Variants in UAP1 observed in about 807,000 individuals in gnomAD.
UAP1 encodes UDP-N-acetylhexosamine pyrophosphorylase.
A neutral mutation model predicts 58.5 loss-of-function variants in UAP1; 25 were observed. The observed-to-expected ratio is 0.43, with a 90% CI of 0.31 to 0.60. UAP1 has a LOEUF of 0.60. Among genes scored for constraint, UAP1 ranks in the 20% least tolerant of loss-of-function variants. The pLI, the probability that UAP1 is intolerant of heterozygous loss-of-function variation, is 0.11. For missense variants in UAP1, 575 were observed against 630.0 expected (o/e 0.91, Z 0.93); for synonymous variants, 208 against 213.0 (o/e 0.98, Z 0.21).
chr1:162,582,277 TTAGAA>T (rs1654637666), intron 5 of UAP1, among the ~76,000 whole-genome samples: 1 of 152,012 alleles, frequency 6.6e-6, no homozygotes, highest in South Asian at 2.1e-4. Context: ...ATTGCAAAGT[TTAGAA>T]TAAACATGTA....
intron 8 of UAP1, among the ~76,000 whole-genome samples, chr1:162,591,372 A>G (rs907434959): frequency 6.6e-6 from 1 of 152,212 alleles, no homozygotes; most frequent in South Asian, 2.1e-4. Context: ...AGTAAATGTC[A>G]GTTACATTCA....
exon 8 of UAP1, chr1:162,590,392 T>C: frequency 6.2e-7 from 1 of 1,613,856 alleles, no homozygotes; most frequent in Non-Finnish European, 8.5e-7. Flanking sequence ...ATAGTCAGAA[T>C]GGGAAAGACA....
chr1:162,566,589 TC>T (rs1452060788), intron 2 of UAP1, among the ~76,000 whole-genome samples: 2 of 152,150 alleles, frequency 1.3e-5, no homozygotes, highest in Non-Finnish European at 2.9e-5. Context: ...AGATTTCTTT[TC>T]CTGAAGCACA....
chr1:162,564,094 T>C (rs557697393), intron 1 of UAP1, among the ~76,000 whole-genome samples: 10 of 152,340 alleles, frequency 6.6e-5, no homozygotes, highest in Admixed American at 5.9e-4. Context: ...AGTGTCTTTT[T>C]TAATGTGATT....
chr1:162,571,092 CT>C (rs201314469), intron 2 of UAP1, among the ~76,000 whole-genome samples: 1,636 of 124,378 alleles, frequency 0.013, 25 homozygotes, highest in African/African-American at 0.039. Context: ...GTCTGGCTTT[CT>C]TTTTTTTTTT....
intron 7 of UAP1, among the ~76,000 whole-genome samples, chr1:162,589,235 A>T (rs1350200957): frequency 8.1e-6 from 1 of 123,744 alleles, no homozygotes; most frequent in African/African-American, 3.1e-5. Context: ...TATATTATAT[A>T]TAAATTTATA....
At chr1:162,580,074 C>T (rs1654489248) in intron 4 of UAP1, among the ~76,000 whole-genome samples, 1 of 152,142 alleles carries the variant, frequency 6.6e-6, no homozygotes, top group Non-Finnish European at 1.5e-5. Flanking sequence ...GCCATGTTGG[C>T]TAGGCTGGTC....
At chr1:162,579,027 G>C (rs1386578702) in intron 3 of UAP1, among the ~76,000 whole-genome samples, 1 of 152,142 alleles carries the variant, frequency 6.6e-6, no homozygotes, top group Non-Finnish European at 1.5e-5. Flanking sequence ...CTGCATTTCA[G>C]ATTTCAATAA....
At chr1:162,562,042 G>T (rs1280593342) in intron 1 of UAP1, among the ~76,000 whole-genome samples, 1 of 152,234 alleles carries the variant, frequency 6.6e-6, no homozygotes, top group African/African-American at 2.4e-5. Context: ...TGGATGGCGG[G>T]GCCAGGGATG....
chr1:162,596,588 A>G (rs965311302), intron 9 of UAP1, among the ~76,000 whole-genome samples: 4 of 152,136 alleles, frequency 2.6e-5, no homozygotes, highest in African/African-American at 9.7e-5. Flanking sequence ...TTTTTATGGG[A>G]CCATAGTTGA....
exon 5 of UAP1, chr1:162,581,440 G>C (rs572677350): frequency 4.3e-6 from 7 of 1,613,980 alleles, no homozygotes; most frequent in Non-Finnish European, 5.9e-6. Flanking sequence ...ATTCAGAAAG[G>C]AGCAGACTGT....
chr1:162,566,343 G>A, exon 2 of UAP1: 7 of 1,613,062 alleles, frequency 4.3e-6, no homozygotes, highest in Non-Finnish European at 5.9e-6. Context: ...GCCTGGGAAA[G>A]TGAAGGTACT....
In UAP1 at chr1:162,570,018, A is replaced by G. The variant is rs564338310; in HGVS notation, c.280+3670A>G. 8.5e-5 allele frequency among the ~76,000 whole-genome samples: 13 copies of G among 152,180 alleles called. No homozygotes were observed. The South Asian group carries it at 1.5e-3, about 17-fold the overall frequency. ...CAAAAAATTAGCCAGGTGTGGTGGC[A>G]GGTGCTTGTAGTCCCAGCTACTCGG... On this transcript the variant is annotated intron_variant, in intron 2 of 10. Coordinates refer to ENST00000271469, the Ensembl canonical transcript of UAP1.
At chr1:162,592,690 A>G (rs1211687443) in intron 8 of UAP1, 42 bp from the exon 9 acceptor site, 8 of 1,429,568 alleles carry the variant, frequency 5.6e-6, no homozygotes, top group Non-Finnish European at 7.7e-6. Flanking sequence ...TTATTGTTTG[A>G]TTTGCTTCCA....
At chr1:162,584,311 A>G (rs1259787511) in intron 5 of UAP1, among the ~76,000 whole-genome samples, 2 of 152,244 alleles carry the variant, frequency 1.3e-5, no homozygotes, top group African/African-American at 2.4e-5. Context: ...AAACATGACT[A>G]GACTGGCATA....
intron 10 of UAP1, 99 bp downstream of exon 10, chr1:162,597,957 G>A (rs142766548): frequency 2.7e-6 from 3 of 1,119,736 alleles, no homozygotes; most frequent in Admixed American, 2.2e-5. Flanking sequence ...ATAAAGAAAG[G>A]ATAAGTATTT....
chr1:162,588,926 T>G (rs1237532664), intron 7 of UAP1, 93 bp downstream of exon 7: 1 of 1,228,398 alleles, frequency 8.1e-7, no homozygotes, highest in Non-Finnish European at 1.1e-6. Flanking sequence ...AGGAAACATT[T>G]GATAGCACAT....
chr1:162,574,853 T>C (rs568706324), intron 2 of UAP1, among the ~76,000 whole-genome samples: 1 of 152,306 alleles, frequency 6.6e-6, no homozygotes, highest in East Asian at 1.9e-4. Flanking sequence ...GTTACATTTA[T>C]TTGCATTTGG....
At position 162,587,198 on chromosome 1, in the gene UAP1, G is replaced by A. The variant is rs113192905; in HGVS notation, c.835-277G>A. On this transcript the variant is annotated intron_variant, in intron 5 of 10. Transcript: ENST00000271469. ...GATGTAATTATTCCCACTCCAATGT[G>A]ATTTACTCTGTGCTAGATATATGTA... Among the ~76,000 whole-genome samples, 1,020 of 152,244 alleles carry A rather than the reference G, an allele frequency of 6.7e-3. 11 individuals are homozygous for A. Among genetic ancestry groups the A allele is most frequent in the African/African-American group, 0.023 (957 of 41,534 alleles).
Sources: gnomAD v4.1 joint callset for allele counts (sites outside exome capture counted in the v4.1 genomes callset) on GRCh38, gnomAD v4.1.1 for gene constraint, MANE v1.5 for transcripts, NCBI Gene and HGNC (gene_info 2026-07-23, HGNC 2026-07-21) for gene names.